The following ARHGAP26 variants were observed in gnomAD, a reference collection of about 807,000 sequenced individuals.
ARHGAP26 encodes the protein Rho GTPase activating protein 26.
A neutral mutation model predicts 104.8 loss-of-function variants in ARHGAP26; 38 were observed. The ratio of observed to expected loss-of-function variants is 0.36; its 90% CI spans 0.28 to 0.48. The LOEUF is 0.48. Ranked by LOEUF, ARHGAP26 falls within the 20% of genes least tolerant of loss-of-function variation. The pLI, the probability that ARHGAP26 is intolerant of heterozygous loss-of-function variation, is 0.99. For synonymous variants in ARHGAP26, 341 were observed against 340.0 expected, an observed-to-expected ratio of 1.00 and a Z score of -0.03; for missense variants, 704 against 947.9, an observed-to-expected ratio of 0.74 and a Z score of 3.38.
intron 20 of ARHGAP26, among the ~76,000 whole-genome samples, chr5:143,155,066 C>T (rs1800311476): frequency 6.6e-6 from 1 of 152,066 alleles, no homozygotes; most frequent in Non-Finnish European, 1.5e-5. Flanking sequence ...TTCTCACCCA[C>T]CTCCAAGCAG....
At chr5:142,934,595 C>T (rs1765156416) in intron 11 of ARHGAP26, among the ~76,000 whole-genome samples, 1 of 152,214 alleles carries the variant, frequency 6.6e-6, no homozygotes, top group Admixed American at 6.5e-5. Flanking sequence ...CACCATCTCC[C>T]TAATGAGTTA....
At chr5:142,875,028 C>T in intron 2 of ARHGAP26, 82 bp from the exon 3 acceptor site, 2 of 1,179,160 alleles carry the variant, frequency 1.7e-6, no homozygotes, top group Non-Finnish European at 2.5e-6. Flanking sequence ...AATTAAAATC[C>T]ATAACATAAT....
chr5:142,833,407 T>A (rs1316353689), intron 1 of ARHGAP26, among the ~76,000 whole-genome samples: 2 of 152,186 alleles, frequency 1.3e-5, no homozygotes, highest in Non-Finnish European at 2.9e-5. Context: ...CATGTTCATG[T>A]ACTTTTAAAT....
chr5:143,152,361 T>C (rs1016681809), intron 20 of ARHGAP26, among the ~76,000 whole-genome samples: 2 of 152,210 alleles, frequency 1.3e-5, no homozygotes, highest in African/African-American at 4.8e-5. Context: ...TCATGCAATT[T>C]TTCTGTAAAC....
chr5:142,898,427 C>T (rs1466170279), intron 6 of ARHGAP26, among the ~76,000 whole-genome samples: 2 of 152,152 alleles, frequency 1.3e-5, no homozygotes, highest in East Asian at 3.9e-4. Flanking sequence ...TCTCCATGTT[C>T]ATTAGGCCTG....
intron 11 of ARHGAP26, among the ~76,000 whole-genome samples, chr5:142,976,623 G>A (rs1486053765): frequency 1.3e-5 from 2 of 152,124 alleles, no homozygotes; most frequent in Admixed American, 6.5e-5. Context: ...AAAATGCAAC[G>A]TTCATAAGAT....
At chr5:143,066,123 T>C (rs1480968120) in intron 17 of ARHGAP26, among the ~76,000 whole-genome samples, 1 of 152,204 alleles carries the variant, frequency 6.6e-6, no homozygotes, top group Non-Finnish European at 1.5e-5. Context: ...TACTCTATAG[T>C]TTCTATGTTT....
chr5:142,978,498 G>A (rs1007569380), intron 11 of ARHGAP26, among the ~76,000 whole-genome samples: 9 of 152,164 alleles, frequency 5.9e-5, no homozygotes, highest in African/African-American at 1.9e-4. Context: ...GTGGCCAAGA[G>A]GGTGGTCTGG....
chr5:143,015,024 C>T (rs901772565), intron 12 of ARHGAP26, among the ~76,000 whole-genome samples: 3 of 152,028 alleles, frequency 2.0e-5, no homozygotes, highest in Admixed American at 1.3e-4. Context: ...TTTTTCCCCC[C>T]CTTTCTTTCT....
intron 14 of ARHGAP26, among the ~76,000 whole-genome samples, chr5:143,051,926 A>G (rs1391790319): frequency 6.6e-6 from 1 of 152,158 alleles, no homozygotes; most frequent in Non-Finnish European, 1.5e-5. Flanking sequence ...TTTGTCTCAC[A>G]TCCAGGAACC....
chr5:143,173,287 C>T (rs920074153), intron 20 of ARHGAP26: 1 of 153,352 alleles, frequency 6.5e-6, no homozygotes, highest in Non-Finnish European at 1.5e-5. Context: ...CCTCCCACCT[C>T]GGCCTCCCAA....
At chr5:142,842,992 C>T (rs533083880) in intron 1 of ARHGAP26, among the ~76,000 whole-genome samples, 5 of 152,054 alleles carry the variant, frequency 3.3e-5, no homozygotes, top group African/African-American at 9.7e-5. Flanking sequence ...TTCAAAGGTC[C>T]CCCAAACCTT....
intron 5 of ARHGAP26, among the ~76,000 whole-genome samples, chr5:142,892,683 C>T (rs908038538): frequency 1.3e-5 from 2 of 149,624 alleles, no homozygotes; most frequent in Non-Finnish European, 2.9e-5. Flanking sequence ...ACCCACTTAC[C>T]TTTTTTATTG....
intron 1 of ARHGAP26, among the ~76,000 whole-genome samples, chr5:142,800,655 C>T (rs1349165142): frequency 6.6e-6 from 1 of 152,222 alleles, no homozygotes; most frequent in Non-Finnish European, 1.5e-5. Flanking sequence ...AGCCACTGTG[C>T]TCAGCCTCAA....
At chr5:143,192,909 C>T (rs1806158188) in intron 20 of ARHGAP26, among the ~76,000 whole-genome samples, 1 of 152,082 alleles carries the variant, frequency 6.6e-6, no homozygotes, top group African/African-American at 2.4e-5. Flanking sequence ...TAAGCCAATA[C>T]ATTTTATTGT....
At chr5:143,146,582 T>G (rs993689250) in intron 19 of ARHGAP26, among the ~76,000 whole-genome samples, 3 of 152,218 alleles carry the variant, frequency 2.0e-5, no homozygotes, top group Admixed American at 6.5e-5. Context: ...TTTGTTGTTG[T>G]TTATAGGCAA....
intron 11 of ARHGAP26, among the ~76,000 whole-genome samples, chr5:142,998,438 C>G (rs1776727195): frequency 6.6e-6 from 1 of 152,154 alleles, no homozygotes; most frequent in Non-Finnish European, 1.5e-5. Flanking sequence ...CTCTCCCATC[C>G]TCCACTCTGG....
At position 142,943,060 on chromosome 5, in the gene ARHGAP26, C is replaced by T. The variant is rs145281163; in HGVS notation, c.1107+10935C>T. Among the ~76,000 whole-genome samples, 25 of 152,276 alleles carry T rather than the reference C, an allele frequency of 1.6e-4. No homozygotes were observed. The East Asian group carries it at 4.0e-3, about 25-fold the overall frequency. ...CCTCCCAAAGTTCTGGGATTACAGGCGTGAGCCACTGCACCTGTCCTGGAT... is the reference window on the plus strand; with the variant it reads ...CCTCCCAAAGTTCTGGGATTACAGGTGTGAGCCACTGCACCTGTCCTGGAT... On this transcript the variant is annotated intron_variant, in intron 11 of 22. Coordinates refer to ENST00000645722, the MANE Select transcript of ARHGAP26 (RefSeq NM_001135608.3).
intron 20 of ARHGAP26, among the ~76,000 whole-genome samples, chr5:143,167,955 A>G (rs180749335): frequency 4.6e-4 from 70 of 152,374 alleles, no homozygotes; most frequent in Non-Finnish European, 7.6e-4. Flanking sequence ...CACGATGAGA[A>G]ATAACAGAAA....
Sources: gnomAD v4.1 joint callset for allele counts (sites outside exome capture counted in the v4.1 genomes callset) on GRCh38, gnomAD v4.1.1 for gene constraint, MANE v1.5 for transcripts, NCBI Gene and HGNC (gene_info 2026-07-23, HGNC 2026-07-21) for gene names.